The following TSPEAR variants were observed in gnomAD, a reference collection of about 807,000 sequenced individuals.
TSPEAR encodes the protein thrombospondin type laminin G domain and EAR repeats, also known as thrombospondin-type laminin G domain and EAR repeat-containing protein.
In TSPEAR, 69 loss-of-function variants were observed where a neutral mutation model predicts 71.6. The observed-to-expected ratio is 0.96, with a 90% CI of 0.79 to 1.18. The LOEUF (loss-of-function observed/expected upper bound fraction) is 1.18. Among genes scored for constraint, TSPEAR ranks in the 50% most tolerant of loss-of-function variants. The pLI is 0.00. For synonymous variants in TSPEAR, 402 were observed against 387.2 expected, an observed-to-expected ratio of 1.04 and a Z score of -0.45; for missense variants, 971 against 894.9, an observed-to-expected ratio of 1.09 and a Z score of -1.09.
At chr21:44,537,771 A>G (rs1324666234) in intron 2 of TSPEAR, among the ~76,000 whole-genome samples, 2 of 152,234 alleles carry the variant, frequency 1.3e-5, no homozygotes, top group Non-Finnish European at 2.9e-5. Context: ...TGGAGGGCAT[A>G]TGATGGACAG....
chr21:44,702,960 C>A (rs1987729392), intron 1 of TSPEAR, among the ~76,000 whole-genome samples: 1 of 152,216 alleles, frequency 6.6e-6, no homozygotes, highest in South Asian at 2.1e-4. Context: ...CTATCCACTA[C>A]CTCCAAGCCA....
intron 5 of TSPEAR, 99 bp downstream of exon 5, chr21:44,529,699 C>T (rs587597285): frequency 1.7e-5 from 23 of 1,390,110 alleles, no homozygotes; most frequent in African/African-American, 1.1e-4. Context: ...GGCAGGCACA[C>T]GAGAGGGGCT....
rs1348140297 is a variant in TSPEAR, at chr21:44,506,517, CAG to C, written c.1755-1638_1755-1637del. On this transcript the variant is annotated intron_variant, in intron 10 of 11. Transcript: ENST00000323084. This position sits in a 1 kb window ranked among gnomAD's most constrained non-coding sequence, Gnocchi z 4.2. The stretch of plus-strand genomic sequence containing the variant: ...AGGGCCTTGGGAGAGGGAGGGATCA[CAG>C]AGGTGTCCAGTGACAGGCAGGGCGG... Among the ~76,000 whole-genome samples the C allele has an allele frequency of 1.3e-5, 2 of 152,218 alleles. No homozygotes were observed. Among genetic ancestry groups the C allele is most frequent in the Non-Finnish European group, 2.9e-5 (2 of 68,036 alleles).
intron 2 of TSPEAR, among the ~76,000 whole-genome samples, chr21:44,557,298 T>G (rs1555919985): frequency 6.6e-6 from 1 of 151,850 alleles, no homozygotes; most frequent in African/African-American, 2.4e-5. Flanking sequence ...CTGCAAACAG[T>G]GAAGCACACA....
chr21:44,605,745 C>G (rs897661551), intron 1 of TSPEAR, among the ~76,000 whole-genome samples: 1 of 152,108 alleles, frequency 6.6e-6, no homozygotes, highest in African/African-American at 2.4e-5. Flanking sequence ...AACTCAATAT[C>G]CATGTGCAGA....
chr21:44,618,002 A>G (rs1473757945), intron 1 of TSPEAR, among the ~76,000 whole-genome samples: 1 of 152,236 alleles, frequency 6.6e-6, no homozygotes, highest in Non-Finnish European at 1.5e-5. Context: ...GACCGATGAC[A>G]GAGGAAATGG....
At chr21:44,637,345 G>GCTCACACACACA (rs1983645789) in intron 1 of TSPEAR, 2 of 1,476,294 alleles carry the variant, frequency 1.4e-6, no homozygotes, top group African/African-American at 2.8e-5. Flanking sequence ...CAGCTGACAG[G>GCTCACACACACA]CTCACACACA....
chr21:44,699,500 T>C (rs1987548525), intron 1 of TSPEAR, among the ~76,000 whole-genome samples: 1 of 151,732 alleles, frequency 6.6e-6, no homozygotes, highest in Non-Finnish European at 1.5e-5. Context: ...TGGGTCCTGG[T>C]GACCCCATCT....
At chr21:44,616,118 G>A (rs587747516) in intron 1 of TSPEAR, among the ~76,000 whole-genome samples, 5 of 152,194 alleles carry the variant, frequency 3.3e-5, no homozygotes, top group South Asian at 2.1e-4. Context: ...ACCTCCCAGC[G>A]GGGCTTCCTA....
intron 2 of TSPEAR, chr21:44,539,124 TG>T: frequency 8.9e-7 from 1 of 1,117,926 alleles, no homozygotes; most frequent in Non-Finnish European, 1.2e-6. Context: ...AGGCAAGAGC[TG>T]GGGAGCTGCA....
intron 2 of TSPEAR, chr21:44,557,646 C>T (rs1601412679): frequency 8.6e-6 from 2 of 231,954 alleles, no homozygotes; most frequent in Admixed American, 5.1e-5. Context: ...GCAGACCCCG[C>T]ACAGCGGGAA....
chr21:44,677,408 A>G, intron 1 of TSPEAR: 1 of 1,088,588 alleles, frequency 9.2e-7, no homozygotes, highest in Admixed American at 1.7e-5. Flanking sequence ...TCTGAGCTGC[A>G]ATCGCCTGCA....
chr21:44,527,144 G>T, intron 7 of TSPEAR, 148 bp downstream of exon 7: 1 of 739,232 alleles, frequency 1.4e-6, no homozygotes, highest in Non-Finnish European at 2.2e-6. Flanking sequence ...GGGCTCACGT[G>T]TGCGACTCTG....
chr21:44,662,624 A>G (rs150876362), intron 1 of TSPEAR, among the ~76,000 whole-genome samples: 7 of 152,362 alleles, frequency 4.6e-5, no homozygotes, highest in Non-Finnish European at 1.0e-4. Context: ...ACTTGACCTA[A>G]TGGATATTGA....
intron 2 of TSPEAR, chr21:44,558,422 G>C: frequency 6.2e-7 from 1 of 1,614,090 alleles, no homozygotes; most frequent in South Asian, 1.1e-5. Flanking sequence ...GCACGCAGCA[G>C]GCCTGCTGGC....
rs782465786 is a variant in TSPEAR at position 44,697,808 on chromosome 21, T to G, written c.82+13625A>C. 7.4e-6 allele frequency: 12 copies of G among 1,613,744 alleles called. No individual in the cohort carries two copies. In the Admixed American group the frequency reaches 2.0e-4, roughly 27 times the overall value. The stretch of plus-strand genomic sequence containing the variant: ...CGTGTCCCTCCTCTGCCGCCCTGTG[T>G]GCAGACCCGCCCGCCGCGTGCCCGT... On this transcript the variant is annotated intron_variant, in intron 1 of 11. Coordinates refer to ENST00000323084, the MANE Select transcript of TSPEAR (RefSeq NM_144991.3).
At chr21:44,590,088 C>T (rs587637088) in intron 1 of TSPEAR, among the ~76,000 whole-genome samples, 2 of 152,188 alleles carry the variant, frequency 1.3e-5, no homozygotes, top group African/African-American at 2.4e-5. Flanking sequence ...GGGGAGTGAG[C>T]GAGGCGGCTG....
intron 1 of TSPEAR, among the ~76,000 whole-genome samples, chr21:44,576,251 A>G (rs1555923966): frequency 6.6e-6 from 1 of 152,028 alleles, no homozygotes; most frequent in Non-Finnish European, 1.5e-5. Context: ...ACAGTCCCGG[A>G]GTGGAAGGGA....
chr21:44,596,344 T>C (rs1389480668), intron 1 of TSPEAR, among the ~76,000 whole-genome samples: 1 of 152,220 alleles, frequency 6.6e-6, no homozygotes, highest in Non-Finnish European at 1.5e-5. Flanking sequence ...TGTGGCTCCT[T>C]GTGTCTATAC....
Sources: allele counts gnomAD v4.1 joint callset (sites outside exome capture counted in the v4.1 genomes callset), GRCh38; gene constraint gnomAD v4.1.1; non-coding constraint Gnocchi (gnomAD v3.1); transcripts MANE v1.5; gene names NCBI Gene and HGNC (gene_info 2026-07-23, HGNC 2026-07-21).